SMC6: variants seen among roughly 807,000 people sequenced by gnomAD.
The protein encoded by SMC6 is structural maintenance of chromosomes protein 6.
A neutral mutation model predicts 142.2 loss-of-function variants in SMC6; 79 were observed. That is an observed-to-expected ratio of 0.56 (90% CI 0.46 to 0.67). SMC6 has a LOEUF of 0.67. Among genes scored for constraint, SMC6 ranks in the 30% least tolerant of loss-of-function variants. The probability of loss-of-function intolerance (pLI) is 0.00; values close to 1 mark genes in which losing one functional copy is unlikely to be tolerated. For synonymous variants in SMC6, 411 were observed against 412.4 expected (o/e 1.00, Z 0.04); for missense variants, 1,072 against 1,284.0 (o/e 0.83, Z 2.52).
At chr2:17,747,352 G>C (rs1354270919) in intron 2 of SMC6, among the ~76,000 whole-genome samples, 1 of 152,174 alleles carries the variant, frequency 6.6e-6, no homozygotes, top group Non-Finnish European at 1.5e-5. Context: ...CCAAGTTCCA[G>C]ATCTGAGTCT....
At chr2:17,679,089 C>T in intron 24 of SMC6, 125 bp from the exon 25 acceptor site, 2 of 601,748 alleles carry the variant, frequency 3.3e-6, no homozygotes, top group South Asian at 2.8e-5. Context: ...ATTGGTTACT[C>T]ATTTAATAGT....
In SMC6 at chr2:17,715,059, C is replaced by G. The variant is rs1172634059; in HGVS notation, c.1532G>C (p.Cys511Ser). Residue 511 changes from cysteine to serine, a missense_variant, in exon 16 of 28, where the codon TGC (cysteine) becomes TCC (serine). Around this residue, in one of 3 missense-constraint regions of SMC6, gnomAD observed 994 missense variants for 1,153.2 expected, o/e 0.86. Coordinates refer to ENST00000448223, the MANE Select transcript of SMC6 (RefSeq NM_001142286.2). ...TYKPVGPLGACIHLRDPELAL... is the reference protein window; with the variant it reads ...TYKPVGPLGASIHLRDPELAL... ...AAGTTCTGGGTCCCGAAGATGAATG[C>G]AAGCTCCTAAAAGTGAGAGAAAATT... 1 of 1,612,824 alleles carries G rather than the reference C, an allele frequency of 6.2e-7. No individual in the cohort carries two copies. Among genetic ancestry groups the G allele is most frequent in the East Asian group, 2.2e-5 (1 of 44,858 alleles).
intron 17 of SMC6, among the ~76,000 whole-genome samples, chr2:17,707,839 G>T (rs1378107337): frequency 6.6e-6 from 1 of 151,738 alleles, no homozygotes; most frequent in African/African-American, 2.4e-5. Flanking sequence ...TTAAGCCCTG[G>T]AGGAAGTAAA....
At chr2:17,727,020 C>A (rs918323330) in intron 7 of SMC6, among the ~76,000 whole-genome samples, 1 of 152,126 alleles carries the variant, frequency 6.6e-6, no homozygotes, top group African/African-American at 2.4e-5. Context: ...TCATATTATT[C>A]CTTCATGAGG....
chr2:17,703,269 T>C lies in SMC6; in HGVS notation c.2030A>G (p.Asn677Ser), dbSNP rs771516325. Residue 677 changes from asparagine to serine, a missense_variant, in exon 19 of 28, where the codon AAT (asparagine) becomes AGT (serine). Transcript: ENST00000448223. Reference protein sequence around the residue: ...EISDLENEVENKTAQILNLQQ... With the variant: ...EISDLENEVESKTAQILNLQQ... Reference sequence around the variant, plus strand: ...AAGATTTAATATCTGGGCCGTCTTATTTTCAACCTCATTCTCCAAGTCACT... The same window carrying C: ...AAGATTTAATATCTGGGCCGTCTTACTTTCAACCTCATTCTCCAAGTCACT... The C allele has an allele frequency of 6.2e-7, 1 of 1,603,476 alleles. No homozygotes were observed. Among genetic ancestry groups the C allele is most frequent in the Non-Finnish European group, 8.5e-7 (1 of 1,176,256 alleles).
At chr2:17,670,052 G>A (rs145737447) in intron 26 of SMC6, among the ~76,000 whole-genome samples, 1 of 152,336 alleles carries the variant, frequency 6.6e-6, no homozygotes, top group East Asian at 1.9e-4. Flanking sequence ...TGGCTAGGGT[G>A]AGTCAAAGCC....
chr2:17,745,802 CA>C, intron 3 of SMC6, 24 bp downstream of exon 3: 1 of 1,574,604 alleles, frequency 6.4e-7, no homozygotes, highest in Non-Finnish European at 8.6e-7. Flanking sequence ...TATCAAAAAG[CA>C]TAATTTTGTA....
At position 17,665,440 on chromosome 2, in the gene SMC6, G is replaced by A; in HGVS notation, c.*59C>T. The A allele has an allele frequency of 8.4e-7, 1 of 1,187,342 alleles. No homozygotes were observed. The allele number at this position is 1,187,342 out of a possible 1,614,324, so 73.6% of individuals were successfully genotyped here. On this transcript the variant is annotated 3_prime_UTR_variant, in exon 28 of 28. Transcript: ENST00000448223. ...TCATTTTATTATATCAAAGAGTCCA[G>A]AATTTTTTTTCCCTTCACAAATCCT... is the stretch of plus-strand genomic sequence containing the variant.
At chr2:17,672,248 C>T (rs1436473648) in intron 25 of SMC6, among the ~76,000 whole-genome samples, 1 of 152,142 alleles carries the variant, frequency 6.6e-6, no homozygotes, top group East Asian at 1.9e-4. Context: ...CTATTACTAA[C>T]ATATCATGGA....
rs909669898 is a variant in SMC6, at chr2:17,749,553, T to C, written c.-6+3425A>G. Among the ~76,000 whole-genome samples the C allele has an allele frequency of 8.7e-4, 132 of 151,842 alleles. 1 individual carries two copies. The highest frequency in any genetic ancestry group is 1.5e-3 in the East Asian group (8 of 5,170). ...AAATACAAAAATTAGTCAGGCGTGG[T>C]GGCGCGCGCCTATAGTCCCAGCTAC... On this transcript the variant is annotated intron_variant, in intron 2 of 27. Transcript: ENST00000448223.
chr2:17,702,784 C>T (rs1668332030), intron 19 of SMC6, among the ~76,000 whole-genome samples: 2 of 152,106 alleles, frequency 1.3e-5, no homozygotes, highest in African/African-American at 4.8e-5. Context: ...CTCTTTCTCT[C>T]ATGGCTGCCG....
At chr2:17,707,519 G>C in intron 17 of SMC6, 140 bp from the exon 18 acceptor site, 1 of 486,242 alleles carries the variant, frequency 2.1e-6, no homozygotes, top group Non-Finnish European at 3.3e-6. Context: ...ATTTCATAAA[G>C]TTAAATATAA....
chr2:17,716,157 G>A lies in SMC6; in HGVS notation c.1454C>T (p.Pro485Leu). ...ATCATCTATGGCTTCAAGAAGAGCTGGAACATTAGGGCCAAATCTTTTGAG... is the reference window on the plus strand; with the variant it reads ...ATCATCTATGGCTTCAAGAAGAGCTAGAACATTAGGGCCAAATCTTTTGAG... ...DRLKRFGPNV[P>L]ALLEAIDDAY... Residue 485 changes from proline (P) to leucine (L), a missense_variant, in exon 15 of 28, where the codon CCA (proline) becomes CTA (leucine). Coordinates refer to ENST00000448223, the MANE Select transcript of SMC6 (RefSeq NM_001142286.2). 1.2e-6 allele frequency: 2 copies of A among 1,611,996 alleles called. No individual in the cohort carries two copies. The highest frequency in any genetic ancestry group is 1.7e-6 in the Non-Finnish European group (2 of 1,179,412).
intron 18 of SMC6, among the ~76,000 whole-genome samples, chr2:17,705,441 G>A (rs1668460234): frequency 6.6e-6 from 1 of 151,884 alleles, no homozygotes; most frequent in African/African-American, 2.4e-5. Context: ...GGTGGCACTT[G>A]CCTGTACTCC....
At chr2:17,732,321 A>G (rs1467304157) in intron 5 of SMC6, among the ~76,000 whole-genome samples, 2 of 152,216 alleles carry the variant, frequency 1.3e-5, no homozygotes, top group Admixed American at 6.5e-5. Context: ...AGTAGTTAAC[A>G]TTTTCAAAGG....
chr2:17,715,129 CTCTT>C, intron 15 of SMC6, 64 bp from the exon 16 acceptor site: 1 of 1,436,562 alleles, frequency 7.0e-7, no homozygotes, highest in African/African-American at 1.5e-5. Context: ...TAACATCCTC[CTCTT>C]TAATTATAGC....
At chr2:17,691,405 T>G (rs1667717746) in intron 23 of SMC6, among the ~76,000 whole-genome samples, 1 of 150,742 alleles carries the variant, frequency 6.6e-6, no homozygotes, top group African/African-American at 2.4e-5. Context: ...AATGGACATG[T>G]GGGTTGATTA....
chr2:17,676,893 G>T (rs1280361631), intron 25 of SMC6, among the ~76,000 whole-genome samples: 1 of 152,132 alleles, frequency 6.6e-6, no homozygotes, highest in African/African-American at 2.4e-5. Context: ...CATACTGATT[G>T]TGTCTGCAAC....
At chr2:17,715,849 T>C (rs755741314) in intron 15 of SMC6, among the ~76,000 whole-genome samples, 5 of 152,206 alleles carry the variant, frequency 3.3e-5, no homozygotes, top group Non-Finnish European at 5.9e-5. Context: ...TATTCATTCA[T>C]TTATTCAGAA....
Sources: gnomAD v4.1 joint callset for allele counts (sites outside exome capture counted in the v4.1 genomes callset) on GRCh38, gnomAD v4.1.1 for gene constraint, gnomAD v4.1.1 regional missense constraint, MANE v1.5 for transcripts, NCBI Gene and HGNC (gene_info 2026-07-23, HGNC 2026-07-21) for gene names.